The following CDIN1 variants were observed in gnomAD, a reference collection of about 807,000 sequenced individuals.
CDIN1 encodes the protein CDAN1 interacting nuclease 1, also known as CDAN1-interacting nuclease 1.
In CDIN1, 33 loss-of-function variants were observed where a neutral mutation model predicts 45.3. That is an observed-to-expected ratio of 0.73 (90% CI 0.55 to 0.97). The LOEUF is 0.97. Among genes scored for constraint, CDIN1 ranks in the 50% least tolerant of loss-of-function variants. The pLI, the probability that CDIN1 is intolerant of heterozygous loss-of-function variation, is 0.00. For missense variants in CDIN1, 303 were observed against 339.4 expected, an observed-to-expected ratio of 0.89 and a Z score of 0.84; for synonymous variants, 118 against 124.4, an observed-to-expected ratio of 0.95 and a Z score of 0.34.
chr15:36,727,913 T>C (rs10518901), intron 10 of CDIN1, among the ~76,000 whole-genome samples: 77,064 of 151,970 alleles, frequency 0.51, 19,895 homozygotes, highest in East Asian at 0.66. Context: ...AACTCAGTAT[T>C]GTAAAATGGA....
intron 10 of CDIN1, among the ~76,000 whole-genome samples, chr15:36,784,981 T>C (rs2054453205): frequency 6.6e-6 from 1 of 152,124 alleles, no homozygotes; most frequent in Non-Finnish European, 1.5e-5. Flanking sequence ...AGTGGACCTG[T>C]TTTGGCCATG....
At chr15:36,799,265 C>T (rs966214479) in intron 10 of CDIN1, 19 of 152,252 alleles carry the variant, frequency 1.2e-4, no homozygotes, top group Non-Finnish European at 2.6e-4. Flanking sequence ...GTAAACATAA[C>T]TTCGGGTACT....
At chr15:36,644,234 G>A (rs150706496) in intron 1 of CDIN1, 44 bp from the exon 2 acceptor site, 16 of 1,585,492 alleles carry the variant, frequency 1.0e-5, no homozygotes, top group South Asian at 4.4e-5. Context: ...TTTCTTTGCC[G>A]TGCACTCCAG....
chr15:36,685,903 G>A (rs984979841), intron 5 of CDIN1, among the ~76,000 whole-genome samples: 6 of 152,098 alleles, frequency 3.9e-5, no homozygotes, highest in African/African-American at 1.4e-4. Flanking sequence ...TAAAAAGTCA[G>A]GAAACAACAG....
chr15:36,788,092 ATATATATATATATATTTTTTTT>A (rs1257729742), intron 10 of CDIN1, among the ~76,000 whole-genome samples: 1 of 42,142 alleles, frequency 2.4e-5, no homozygotes, highest in Non-Finnish European at 4.0e-5. Context: ...ATATATATAT[ATATATATATATATATTTTTTTT>A]TTTTTTTTTT....
At chr15:36,749,278 C>T (rs2053392976) in intron 10 of CDIN1, among the ~76,000 whole-genome samples, 1 of 152,150 alleles carries the variant, frequency 6.6e-6, no homozygotes, top group South Asian at 2.1e-4. Context: ...CATTTGTATA[C>T]TGCATTATAA....
intron 8 of CDIN1, chr15:36,706,680 T>G (rs1595499140): frequency 6.6e-6 from 1 of 151,178 alleles, no homozygotes. Context: ...AGGAAAGAGA[T>G]GCTGTCTTTT....
In CDIN1 at chr15:36,709,977, T is replaced by A; in HGVS notation, c.716+16T>A. Reference sequence around the variant, plus strand: ...ACTGGAATAGGTAAGGTCTCATTATTTTTCTTTTAAGATAAACGATACTCA... The same window carrying A: ...ACTGGAATAGGTAAGGTCTCATTATATTTCTTTTAAGATAAACGATACTCA... On this transcript the variant is annotated intron_variant, in intron 10 of 10. Coordinates refer to ENST00000566621, the MANE Select transcript of CDIN1 (RefSeq NM_001321759.2). The A allele has an allele frequency of 6.4e-7, 1 of 1,573,460 alleles. No individual in the cohort carries two copies.
intron 5 of CDIN1, among the ~76,000 whole-genome samples, chr15:36,670,308 A>G (rs1222015227): frequency 1.3e-5 from 2 of 152,092 alleles, no homozygotes; most frequent in Non-Finnish European, 2.9e-5. Flanking sequence ...GTGATAAACT[A>G]TTTAACAGAA....
intron 1 of CDIN1, among the ~76,000 whole-genome samples, chr15:36,591,561 A>G (rs1286978397): frequency 6.6e-6 from 1 of 152,222 alleles, no homozygotes; most frequent in East Asian, 1.9e-4. Context: ...ATATATAAAG[A>G]TAAAAATACA....
chr15:36,586,314 TC>T (rs771905145), intron 1 of CDIN1, among the ~76,000 whole-genome samples: 16 of 152,254 alleles, frequency 1.1e-4, no homozygotes, highest in Non-Finnish European at 2.1e-4. Context: ...TCACCCTTTT[TC>T]CCATTGATTT....
chr15:36,746,960 G>A (rs1326109579), intron 10 of CDIN1: 1 of 397,952 alleles, frequency 2.5e-6, no homozygotes, highest in Non-Finnish European at 4.4e-6. Flanking sequence ...ATGTTCCTCA[G>A]GCTGGTGTGG....
Position 36,620,308 on chromosome 15 carries a change from G to A in CDIN1, c.102-23970G>A, listed in dbSNP as rs1327378969. ...GGAGCTTGCAGTGAGCCGAGATGGC[G>A]CCACCGCACTCCAGCCTGGGCGACA... On this transcript the variant is annotated intron_variant, in intron 1 of 10. Coordinates refer to ENST00000566621, the MANE Select transcript of CDIN1 (RefSeq NM_001321759.2). Among the ~76,000 whole-genome samples, 8 of 152,016 alleles carry A rather than the reference G, an allele frequency of 5.3e-5. No homozygotes were observed. In the East Asian group the frequency reaches 1.6e-3, roughly 29 times the overall value.
At chr15:36,796,423 G>A (rs531032764) in intron 10 of CDIN1, among the ~76,000 whole-genome samples, 6 of 152,282 alleles carry the variant, frequency 3.9e-5, no homozygotes, top group African/African-American at 1.4e-4. Context: ...CTCTCGTTGT[G>A]CTTAGGAGGG....
At chr15:36,779,831 C>G (rs1040402508) in intron 10 of CDIN1, among the ~76,000 whole-genome samples, 6 of 152,020 alleles carry the variant, frequency 3.9e-5, no homozygotes, top group Non-Finnish European at 7.4e-5. Context: ...TTGAAGATAC[C>G]ACCCAACTAA....
At chr15:36,609,306 G>A (rs1172292922) in intron 1 of CDIN1, among the ~76,000 whole-genome samples, 4 of 152,254 alleles carry the variant, frequency 2.6e-5, no homozygotes, top group East Asian at 3.9e-4. Flanking sequence ...GTGAGCCACC[G>A]CACCTGGCCT....
At chr15:36,618,056 C>T in intron 1 of CDIN1, 1 of 769,284 alleles carries the variant, frequency 1.3e-6, no homozygotes, top group Non-Finnish European at 2.4e-6. Flanking sequence ...TAGTATTATT[C>T]CTCAGTCTTG....
At chr15:36,712,367 G>A (rs1173193786) in intron 10 of CDIN1, among the ~76,000 whole-genome samples, 5 of 137,324 alleles carry the variant, frequency 3.6e-5, no homozygotes, top group Non-Finnish European at 7.6e-5. Flanking sequence ...CCGGGTTCAA[G>A]TGATTCTCCT....
At chr15:36,802,563 G>C (rs2055085830) in intron 10 of CDIN1, among the ~76,000 whole-genome samples, 2 of 152,108 alleles carry the variant, frequency 1.3e-5, no homozygotes, top group Non-Finnish European at 2.9e-5. Context: ...ACAATAGGAA[G>C]TTAATAATCT....
Sources: gnomAD v4.1 joint callset for allele counts (sites outside exome capture counted in the v4.1 genomes callset) on GRCh38, gnomAD v4.1.1 for gene constraint, MANE v1.5 for transcripts, NCBI Gene and HGNC (gene_info 2026-07-23, HGNC 2026-07-21) for gene names.